CHRNB4: variants seen among roughly 807,000 people sequenced by gnomAD.
CHRNB4 encodes neuronal acetylcholine receptor subunit beta-4.
CHRNB4 carries 23 observed loss-of-function variants against 40.4 expected under a neutral mutation model. The ratio of observed to expected loss-of-function variants is 0.57; its 90% CI spans 0.41 to 0.81. The LOEUF (loss-of-function observed/expected upper bound fraction) is 0.81, where lower values mean the gene tolerates loss of function less well. Ranked by LOEUF, CHRNB4 falls within the 30% of genes least tolerant of loss-of-function variation. CHRNB4 has a pLI of 0.00. For missense variants in CHRNB4, 568 were observed against 670.6 expected (o/e 0.85, Z 1.69); for synonymous variants, 285 against 274.4 (o/e 1.04, Z -0.38).
At chr15:78,647,861 CA>C (rs146991423) in intron 7 of CHRNB4, among the ~76,000 whole-genome samples, 6,234 of 38,654 alleles carry the variant, frequency 0.16, 114 homozygotes, top group African/African-American at 0.35. Flanking sequence ...GACTCCATCT[CA>C]AAAAAAAAAA....
chr15:78,648,587 C>T (rs2054146127), intron 7 of CHRNB4, among the ~76,000 whole-genome samples: 1 of 150,844 alleles, frequency 6.6e-6, no homozygotes, highest in African/African-American at 2.4e-5. Flanking sequence ...AACCCTGTAT[C>T]TACTAAAAAT....
At chr15:78,651,008 C>A (rs2054167409) in intron 6 of CHRNB4, among the ~76,000 whole-genome samples, 1 of 152,084 alleles carries the variant, frequency 6.6e-6, no homozygotes, top group Non-Finnish European at 1.5e-5. Context: ...GTATTTGGCC[C>A]TCTGACATCA....
exon 4 of CHRNB4, chr15:78,656,392 T>G (rs926277981): frequency 6.7e-6 from 1 of 148,638 alleles, no homozygotes. Flanking sequence ...GTAGGGTGAC[T>G]AGGGTTAAAC....
intron 1 of CHRNB4, among the ~76,000 whole-genome samples, chr15:78,639,217 G>C (rs1412587528): frequency 6.6e-6 from 1 of 152,200 alleles, no homozygotes; most frequent in Non-Finnish European, 1.5e-5. Context: ...TCTGCATCTG[G>C]AAAGGCAGAG....
At position 78,629,753 on chromosome 15, in the gene CHRNB4, G is replaced by A. The variant is rs770015969; in HGVS notation, c.552C>T (p.Val184=). Residue 184 remains valine (V), a synonymous_variant, in exon 5 of 6, where the codon GTC becomes GTT. Coordinates refer to ENST00000261751, the MANE Select transcript of CHRNB4 (RefSeq NM_000750.5). The surrounding 1 kb of genome is among the most constrained non-coding windows in gnomAD (Gnocchi z 6.8). ...CCATGCTGGCTGTGGGCGTCATGAG[G>A]ACCATGTCTATCTCCGTGTGGTCAT... is the stretch of plus-strand genomic sequence containing the variant. ...WTYDHTEIDM[V]LMTPTASMDD... 9.9e-6 allele frequency: 16 copies of A among 1,613,934 alleles called. No individual in the cohort carries two copies. The highest frequency in any genetic ancestry group is 2.7e-5 in the African/African-American group (2 of 74,894).
chr15:78,629,322 G>T lies in CHRNB4; in HGVS notation c.983C>A (p.Thr328Asn), dbSNP rs749785122. The change falls in exon 5 of 6, where the codon ACC becomes AAC. Residue 328 changes from threonine (T) to asparagine (N), a missense_variant. This residue lies in a region of CHRNB4 where 242 missense variants were observed against 274.9 expected (regional missense o/e 0.88). Coordinates refer to ENST00000261751, the MANE Select transcript of CHRNB4 (RefSeq NM_000750.5). This position sits in a 1 kb window ranked among gnomAD's most constrained non-coding sequence, Gnocchi z 6.8. ...NVHHRSPSTHTMAPWVKRCFL... is the reference protein window; with the variant it reads ...NVHHRSPSTHNMAPWVKRCFL... ...GCAGCGCTTGACCCAGGGTGCCATGGTGTGGGTGCTGGGCGAGCGGTGGTG... is the reference window on the plus strand; with the variant it reads ...GCAGCGCTTGACCCAGGGTGCCATGTTGTGGGTGCTGGGCGAGCGGTGGTG... 1.5e-5 allele frequency: 24 copies of T among 1,613,934 alleles called. No homozygotes were observed. The East Asian group carries it at 5.1e-4, about 34-fold the overall frequency.
Position 78,624,951 on chromosome 15 carries a change from GCATT to G in CHRNB4, c.*178_*181del, listed in dbSNP as rs2141355016. 2 of 1,520,854 alleles carry G rather than the reference GCATT, an allele frequency of 1.3e-6. No individual in the cohort carries two copies. Among genetic ancestry groups the G allele is most frequent in the East Asian group, 4.9e-5 (2 of 41,058 alleles). 94.2% of individuals were successfully genotyped at this position (1,520,854 alleles called of 1,614,324 possible). On this transcript the variant is annotated 3_prime_UTR_variant, in exon 6 of 6. Transcript: ENST00000261751. ...TGGGGCTTCCTGGGATCCCTCCAAG[GCATT>G]CAGAGAGGACAGCCCAGGCCCCCAT...
intron 5 of CHRNB4, among the ~76,000 whole-genome samples, chr15:78,654,258 G>A (rs2054194766): frequency 6.6e-6 from 1 of 152,232 alleles, no homozygotes; most frequent in East Asian, 1.9e-4. Context: ...ATTGCTGGGT[G>A]CTCCACGTAA....
chr15:78,632,412 A>C (rs2053852212), intron 2 of CHRNB4, among the ~76,000 whole-genome samples: 1 of 151,836 alleles, frequency 6.6e-6, no homozygotes, highest in Non-Finnish European at 1.5e-5. Context: ...GGCTCAAGCG[A>C]TCCTCCCACC....
chr15:78,654,277 G>A (rs907888504), intron 5 of CHRNB4, among the ~76,000 whole-genome samples: 3 of 152,240 alleles, frequency 2.0e-5, no homozygotes, highest in African/African-American at 7.2e-5. Flanking sequence ...AAGGGCAGAT[G>A]TTGATTTTTA....
chr15:78,631,097 GGCAACCA>G lies in CHRNB4; in HGVS notation c.331_337del (p.Trp111LeufsTer21). On this transcript the variant is annotated frameshift_variant, in exon 4 of 6. Coordinates refer to ENST00000261751, the MANE Select transcript of CHRNB4 (RefSeq NM_000750.5). LOFTEE classifies it high-confidence loss of function. Reference sequence around the variant, plus strand: ...TCACTTGTTGTAAAGCACGATGTCAGGCAACCAGATGCGCTTTGCAGGGATCCTCAGG... The same window carrying G: ...TCACTTGTTGTAAAGCACGATGTCAGGATGCGCTTTGCAGGGATCCTCAGG... The G allele has an allele frequency of 6.2e-7, 1 of 1,614,176 alleles. No individual in the cohort carries two copies. Among genetic ancestry groups the G allele is most frequent in the Non-Finnish European group, 8.5e-7 (1 of 1,179,994 alleles).
chr15:78,639,519 C>T (rs1008241400), intron 1 of CHRNB4, among the ~76,000 whole-genome samples: 1 of 152,064 alleles, frequency 6.6e-6, no homozygotes, highest in African/African-American at 2.4e-5. Context: ...AGGATGGTCT[C>T]GATCTCCTGA....
chr15:78,635,431 G>A lies in CHRNB4; in HGVS notation c.204+8C>T. 6.2e-7 allele frequency: 1 copy of A among 1,613,276 alleles called. No individual in the cohort carries two copies. Among genetic ancestry groups the A allele is most frequent in the Admixed American group, 1.7e-5 (1 of 60,004 alleles). ...TGAGCCTGAGCCACAGCTGCCCTCT[G>A]CACCTACCACGCTGATAAGCTGGGC... On this transcript the variant is annotated splice_region_variant and intron_variant, in intron 2 of 5. Transcript: ENST00000261751.
upstream of CHRNB4, among the ~76,000 whole-genome samples, chr15:78,644,685 A>G (rs1005646444): frequency 2.6e-5 from 4 of 152,258 alleles, no homozygotes; most frequent in Non-Finnish European, 5.9e-5. Flanking sequence ...GACCATATAT[A>G]TTATGAATGG....
intron 1 of CHRNB4, among the ~76,000 whole-genome samples, chr15:78,640,550 C>T (rs1172026363): frequency 2.6e-5 from 4 of 152,250 alleles, no homozygotes; most frequent in Non-Finnish European, 4.4e-5. Context: ...CTTCTCGGCC[C>T]AGTGTCCCCA....
At chr15:78,661,158 C>G (rs574263252), upstream of CHRNB4, 14 of 622,672 alleles carry the variant, frequency 2.2e-5, no homozygotes, top group East Asian at 5.5e-4. Context: ...TGCCGAAATG[C>G]CGGTACACCT....
At chr15:78,630,086 G>A in intron 4 of CHRNB4, 141 bp from the exon 5 acceptor site, 3 of 961,928 alleles carry the variant, frequency 3.1e-6, no homozygotes, top group Middle Eastern at 3.5e-4. Flanking sequence ...TGAAAGGAGG[G>A]GTCTGCTTTT....
rs530838326 is a variant in CHRNB4 at position 78,629,672 on chromosome 15, T to C, written c.633A>G (p.Thr211=). 6 of 1,614,168 alleles carry C rather than the reference T, an allele frequency of 3.7e-6. No homozygotes were observed. Among genetic ancestry groups the C allele is most frequent in the Admixed American group, 3.3e-5 (2 of 60,020 alleles). ...CGTAGCTGGGGTCTTGTGGGTTCACTGTCCTTCTCCCTGGGAGGGCCACTA... is the reference window on the plus strand; with the variant it reads ...CGTAGCTGGGGTCTTGTGGGTTCACCGTCCTTCTCCCTGGGAGGGCCACTA... ...WDIVALPGRR[T]VNPQDPSYVD... The change falls in exon 5 of 6, where the codon ACA becomes ACG. Residue 211 remains threonine (T), a synonymous_variant. Coordinates refer to ENST00000261751, the MANE Select transcript of CHRNB4 (RefSeq NM_000750.5). The surrounding 1 kb of genome is among the most constrained non-coding windows in gnomAD (Gnocchi z 6.8).
rs769043846 is a variant in CHRNB4 at position 78,641,137 on chromosome 15, C to T, written c.-4G>A. On this transcript the variant is annotated 5_prime_UTR_variant, in exon 1 of 6. Coordinates refer to ENST00000261751, the MANE Select transcript of CHRNB4 (RefSeq NM_000750.5). ...CCAGGGAAGGCGCGCGCCTCATGGC[C>T]GGCGGGGCCGGGTGGCAGCCGCCGC... 57 of 1,554,948 alleles carry T rather than the reference C, an allele frequency of 3.7e-5. No individual in the cohort carries two copies. The highest frequency in any genetic ancestry group is 4.8e-5 in the Non-Finnish European group (55 of 1,152,100).
Sources: allele counts gnomAD v4.1 joint callset (sites outside exome capture counted in the v4.1 genomes callset), GRCh38; gene constraint gnomAD v4.1.1; regional missense constraint gnomAD v4.1.1; non-coding constraint Gnocchi (gnomAD v3.1); transcripts MANE v1.5; gene names NCBI Gene and HGNC (gene_info 2026-07-23, HGNC 2026-07-21).